Variants in PTPRM observed in about 807,000 individuals in gnomAD.
PTPRM encodes receptor-type tyrosine-protein phosphatase mu.
In PTPRM, 47 loss-of-function variants were observed where a neutral mutation model predicts 186.7. The ratio of observed to expected loss-of-function variants is 0.25; its 90% CI spans 0.20 to 0.32. The LOEUF (loss-of-function observed/expected upper bound fraction) is 0.32. Ranked by LOEUF, PTPRM falls within the 10% of genes least tolerant of loss-of-function variation. The pLI is 1.00. For missense variants in PTPRM, 1,494 were observed against 1,865.0 expected (o/e 0.80, Z 3.66); for synonymous variants, 668 against 674.9 (o/e 0.99, Z 0.16).
At chr18:7,963,527 C>T (rs753392935) in intron 7 of PTPRM, among the ~76,000 whole-genome samples, 3 of 152,168 alleles carry the variant, frequency 2.0e-5, no homozygotes, top group Non-Finnish European at 2.9e-5. Context: ...GAAAAATGAG[C>T]GTGCTAACAG....
At chr18:8,137,928 C>G (rs1489735481) in intron 13 of PTPRM, among the ~76,000 whole-genome samples, 3 of 152,138 alleles carry the variant, frequency 2.0e-5, no homozygotes, top group African/African-American at 7.2e-5. Context: ...GGTCAACTCC[C>G]TGAAGGAAGA....
chr18:8,125,998 TATATATATATATATATA>T (rs1444129389), intron 13 of PTPRM, among the ~76,000 whole-genome samples: 34 of 14,934 alleles, frequency 2.3e-3, no homozygotes, highest in African/African-American at 4.4e-3. Flanking sequence ...TATATATATA[TATATATATATATATATA>T]TATATATATA....
chr18:7,894,053 T>C (rs887650298), intron 3 of PTPRM, among the ~76,000 whole-genome samples: 2 of 152,074 alleles, frequency 1.3e-5, no homozygotes, highest in African/African-American at 4.8e-5. Context: ...AGCTCTGAAG[T>C]TGAGCCAGGG....
intron 13 of PTPRM, among the ~76,000 whole-genome samples, chr18:8,116,097 G>T (rs2091946232): frequency 6.6e-6 from 1 of 152,166 alleles, no homozygotes; most frequent in Non-Finnish European, 1.5e-5. Flanking sequence ...TTCATAAACT[G>T]CCGTATGCTA....
At chr18:8,049,509 A>G (rs1410013284) in intron 7 of PTPRM, 2 of 152,190 alleles carry the variant, frequency 1.3e-5, no homozygotes, top group Admixed American at 6.5e-5. Flanking sequence ...AATGTTCGCT[A>G]TATATTATAT....
intron 2 of PTPRM, among the ~76,000 whole-genome samples, chr18:7,847,229 C>T (rs957177147): frequency 3.7e-4 from 56 of 149,726 alleles, no homozygotes; most frequent in African/African-American, 1.3e-3. Context: ...TGCTGTGGTG[C>T]AGTCACAGCA....
At chr18:8,223,812 G>T (rs1436512898) in intron 14 of PTPRM, among the ~76,000 whole-genome samples, 1 of 152,150 alleles carries the variant, frequency 6.6e-6, no homozygotes, top group Admixed American at 6.5e-5. Flanking sequence ...GGAGTGATAG[G>T]TGTTTGAGAA....
chr18:7,694,029 A>C (rs891883940), intron 1 of PTPRM, among the ~76,000 whole-genome samples: 12 of 152,300 alleles, frequency 7.9e-5, no homozygotes, highest in Non-Finnish European at 1.6e-4. Flanking sequence ...GTGTCACAGA[A>C]ATCCTTGGAG....
intron 1 of PTPRM, among the ~76,000 whole-genome samples, chr18:7,681,092 C>T (rs1444275207): frequency 4.6e-5 from 7 of 152,130 alleles, no homozygotes; most frequent in Admixed American, 4.6e-4. Context: ...AAACCCTTAA[C>T]TTTCTTAAGG....
At chr18:8,152,641 CT>C (rs1447481648) in intron 14 of PTPRM, among the ~76,000 whole-genome samples, 1 of 150,682 alleles carries the variant, frequency 6.6e-6, no homozygotes, top group Admixed American at 6.6e-5. Context: ...ACCTATTTCT[CT>C]CTTTATTTCC....
At chr18:8,163,191 C>A (rs78422987) in intron 14 of PTPRM, among the ~76,000 whole-genome samples, 6,596 of 152,306 alleles carry the variant, frequency 0.043, 218 homozygotes, top group Middle Eastern at 0.15. Flanking sequence ...TGGACTTAAA[C>A]AACCTATTCA....
At chr18:7,698,920 A>G (rs1034142138) in intron 1 of PTPRM, among the ~76,000 whole-genome samples, 1 of 152,086 alleles carries the variant, frequency 6.6e-6, no homozygotes, top group African/African-American at 2.4e-5. Context: ...GCATATTTTC[A>G]TTGAATAGCC....
intron 9 of PTPRM, among the ~76,000 whole-genome samples, chr18:8,082,427 G>A (rs550972952): frequency 6.6e-6 from 1 of 152,050 alleles, no homozygotes; most frequent in South Asian, 2.1e-4. Flanking sequence ...TTGGGACATG[G>A]ATGGGTACTT....
At chr18:8,207,878 TA>T (rs548056255) in intron 14 of PTPRM, among the ~76,000 whole-genome samples, 1 of 152,220 alleles carries the variant, frequency 6.6e-6, no homozygotes, top group Non-Finnish European at 1.5e-5. Context: ...GGTTGCTGAA[TA>T]AAAAAGTGTA....
chr18:8,181,342 C>T (rs929788198), intron 14 of PTPRM, among the ~76,000 whole-genome samples: 9 of 152,132 alleles, frequency 5.9e-5, no homozygotes, highest in African/African-American at 1.7e-4. Context: ...CCATAGAAAG[C>T]GTGGCAATTG....
chr18:7,911,846 ATTTTTTTTTTTT>A, intron 4 of PTPRM, among the ~76,000 whole-genome samples: 1 of 80,680 alleles, frequency 1.2e-5, no homozygotes, highest in East Asian at 5.0e-4. Context: ...TATGGTTTCA[ATTTTTTTTTTTT>A]TTTTTTTTTT....
At chr18:8,029,780 A>C (rs1025603182) in intron 7 of PTPRM, among the ~76,000 whole-genome samples, 3 of 152,156 alleles carry the variant, frequency 2.0e-5, no homozygotes, top group African/African-American at 7.2e-5. Context: ...GCACACAGTG[A>C]GCCTGCAGGA....
At chr18:8,330,962 T>C (rs957061118) in intron 22 of PTPRM, among the ~76,000 whole-genome samples, 1 of 152,186 alleles carries the variant, frequency 6.6e-6, no homozygotes, top group African/African-American at 2.4e-5. Flanking sequence ...TATAGCATAT[T>C]GTTGCCACAC....
chr18:7,618,813 T>TA (rs1328728666), intron 1 of PTPRM, among the ~76,000 whole-genome samples: 3 of 152,240 alleles, frequency 2.0e-5, no homozygotes, highest in Non-Finnish European at 4.4e-5. Flanking sequence ...AGCTCTGAAA[T>TA]ATAGAAGTGA....
Sources: gnomAD v4.1 joint callset for allele counts (sites outside exome capture counted in the v4.1 genomes callset) on GRCh38, gnomAD v4.1.1 for gene constraint, MANE v1.5 for transcripts, NCBI Gene and HGNC (gene_info 2026-07-23, HGNC 2026-07-21) for gene names.